Variants in HPSE2 observed in about 807,000 individuals in gnomAD.
The protein encoded by HPSE2 is heparanase 2 (inactive), also known as inactive heparanase-2.
A neutral mutation model predicts 60.5 loss-of-function variants in HPSE2; 38 were observed. The observed-to-expected ratio is 0.63, with a 90% CI of 0.48 to 0.82. The LOEUF (loss-of-function observed/expected upper bound fraction) is 0.82. Ranked by LOEUF, HPSE2 falls within the 40% of genes least tolerant of loss-of-function variation. HPSE2 has a pLI of 0.00. For missense variants in HPSE2, 713 were observed against 740.4 expected (o/e 0.96, Z 0.43); for synonymous variants, 295 against 293.2 (o/e 1.01, Z -0.06).
At chr10:98,819,394 CT>C (rs1484132928) in intron 3 of HPSE2, among the ~76,000 whole-genome samples, 3 of 145,334 alleles carry the variant, frequency 2.1e-5, no homozygotes, top group African/African-American at 7.6e-5. Flanking sequence ...TTTCCCCTTG[CT>C]TTTTCAATTA....
chr10:99,128,882 G>T (rs1293489256), intron 3 of HPSE2, among the ~76,000 whole-genome samples: 1 of 151,932 alleles, frequency 6.6e-6, no homozygotes, highest in African/African-American at 2.4e-5. Context: ...CACCAACCAA[G>T]TATCTGCTGT....
chr10:98,821,282 C>T (rs999054024), intron 3 of HPSE2, among the ~76,000 whole-genome samples: 3 of 152,096 alleles, frequency 2.0e-5, no homozygotes, highest in African/African-American at 7.2e-5. Flanking sequence ...TATACTTAAA[C>T]CTAGGCTTCT....
chr10:98,608,359 C>T (rs1011583213), intron 9 of HPSE2, among the ~76,000 whole-genome samples: 1 of 152,202 alleles, frequency 6.6e-6, no homozygotes, highest in Non-Finnish European at 1.5e-5. Flanking sequence ...GGGCTTGCAT[C>T]GGCGTGAGCT....
intron 9 of HPSE2, among the ~76,000 whole-genome samples, chr10:98,493,677 T>G (rs936329733): frequency 6.6e-6 from 1 of 152,228 alleles, no homozygotes; most frequent in Non-Finnish European, 1.5e-5. Context: ...TTTGTGTTTT[T>G]GGGTCTAAAG....
chr10:98,737,403 C>G (rs4454654), intron 4 of HPSE2, among the ~76,000 whole-genome samples: 128,714 of 138,014 alleles, frequency 0.93, 61,717 homozygotes, highest in East Asian at 1. Context: ...GAGGTACCCA[C>G]TTCATCTCAT....
At chr10:99,183,790 T>A (rs944253071) in intron 2 of HPSE2, among the ~76,000 whole-genome samples, 2 of 152,120 alleles carry the variant, frequency 1.3e-5, no homozygotes, top group Admixed American at 1.3e-4. Context: ...AGTGAAGCAA[T>A]CACCATAGTT....
chr10:99,062,937 A>C (rs1842496125), intron 3 of HPSE2, among the ~76,000 whole-genome samples: 1 of 152,206 alleles, frequency 6.6e-6, no homozygotes, highest in Non-Finnish European at 1.5e-5. Flanking sequence ...GTCTGAAAGA[A>C]AACAAGGATA....
At chr10:99,093,569 G>A (rs1843592736) in intron 3 of HPSE2, among the ~76,000 whole-genome samples, 1 of 152,106 alleles carries the variant, frequency 6.6e-6, no homozygotes, top group Non-Finnish European at 1.5e-5. Context: ...TAACTGGTGA[G>A]GCCATCTTCT....
intron 2 of HPSE2, among the ~76,000 whole-genome samples, chr10:99,224,945 C>T (rs1849424825): frequency 6.6e-6 from 1 of 152,046 alleles, no homozygotes; most frequent in Admixed American, 6.6e-5. Flanking sequence ...TAGCAGTAGG[C>T]ACGTGGCCAC....
chr10:98,705,829 C>T (rs4514343), intron 5 of HPSE2, among the ~76,000 whole-genome samples: 108,585 of 152,010 alleles, frequency 0.71, 40,788 homozygotes, highest in South Asian at 0.95. Context: ...ACCTAGATGA[C>T]GGGTTTGATA....
chr10:98,902,447 G>A (rs1178622343), intron 3 of HPSE2, among the ~76,000 whole-genome samples: 1 of 152,162 alleles, frequency 6.6e-6, no homozygotes, highest in African/African-American at 2.4e-5. Flanking sequence ...TTAAGGTGCT[G>A]CCTATAGATT....
chr10:98,556,003 G>A (rs1051698094), intron 9 of HPSE2, among the ~76,000 whole-genome samples: 2 of 152,122 alleles, frequency 1.3e-5, no homozygotes, highest in African/African-American at 4.8e-5. Flanking sequence ...TCTCTATAAA[G>A]ACTTAGCTCC....
the HPSE2 span, among the ~76,000 whole-genome samples, chr10:99,241,280 C>A: frequency 1.8e-4 from 27 of 152,064 alleles, no homozygotes; most frequent in African/African-American, 5.8e-4. Context: ...ACAAAAAAAA[C>A]CTTAGAGCAG....
intron 5 of HPSE2, among the ~76,000 whole-genome samples, chr10:98,718,995 C>T (rs555173131): frequency 2.6e-5 from 4 of 152,148 alleles, no homozygotes; most frequent in South Asian, 2.1e-4. Context: ...ACAACAAATA[C>T]GTACGATTTT....
At chr10:99,087,988 A>G (rs1421833987) in intron 3 of HPSE2, among the ~76,000 whole-genome samples, 1 of 150,814 alleles carries the variant, frequency 6.6e-6, no homozygotes, top group Non-Finnish European at 1.5e-5. Context: ...CTCTAAACAT[A>G]TTTGCCTACT....
intron 9 of HPSE2, among the ~76,000 whole-genome samples, chr10:98,546,551 G>A (rs578025743): frequency 4.6e-5 from 7 of 152,056 alleles, no homozygotes; most frequent in South Asian, 4.2e-4. Context: ...AAAGCAATGG[G>A]GAAAGGATTC....
intron 3 of HPSE2, among the ~76,000 whole-genome samples, chr10:99,119,488 A>G (rs1384487960): frequency 6.6e-6 from 1 of 152,250 alleles, no homozygotes; most frequent in Non-Finnish European, 1.5e-5. Flanking sequence ...GACAGGAAGA[A>G]TCAATTTTGT....
At chr10:98,657,247 A>G (rs938254595) in intron 6 of HPSE2, among the ~76,000 whole-genome samples, 1 of 150,222 alleles carries the variant, frequency 6.7e-6, no homozygotes, top group East Asian at 1.9e-4. Flanking sequence ...CCCAAACTAT[A>G]TACTTAGCCC....
chr10:99,017,976 T>A (rs1157048794), intron 3 of HPSE2, among the ~76,000 whole-genome samples: 1 of 152,098 alleles, frequency 6.6e-6, no homozygotes, highest in Admixed American at 6.5e-5. Context: ...AGAGGAGGGT[T>A]TAGTAATAAT....
Sources: gnomAD v4.1 joint callset for allele counts (sites outside exome capture counted in the v4.1 genomes callset) on GRCh38, gnomAD v4.1.1 for gene constraint, MANE v1.5 for transcripts, NCBI Gene and HGNC (gene_info 2026-07-23, HGNC 2026-07-21) for gene names.